CLASP2: variants seen among roughly 807,000 people sequenced by gnomAD.
CLASP2 encodes the protein CLIP-associating protein 2.
In CLASP2, 47 loss-of-function variants were observed where a neutral mutation model predicts 194.4. The observed-to-expected ratio is 0.24, with a 90% CI of 0.19 to 0.31. CLASP2 has a LOEUF of 0.31. CLASP2 is among the 10% of genes least tolerant of loss of function. The pLI, the probability that CLASP2 is intolerant of heterozygous loss-of-function variation, is 1.00. For missense variants in CLASP2, 1,445 were observed against 1,823.6 expected, an observed-to-expected ratio of 0.79 and a Z score of 3.78; for synonymous variants, 619 against 633.5, an observed-to-expected ratio of 0.98 and a Z score of 0.34.
At chr3:33,616,031 TA>T (rs2076096937) in intron 12 of CLASP2, among the ~76,000 whole-genome samples, 1 of 150,084 alleles carries the variant, frequency 6.7e-6, no homozygotes, top group Non-Finnish European at 1.5e-5. Flanking sequence ...TAAAATGAGC[TA>T]AAAGTTGAAA....
chr3:33,506,897 G>C (rs2048399756), intron 37 of CLASP2, among the ~76,000 whole-genome samples: 1 of 150,740 alleles, frequency 6.6e-6, no homozygotes, highest in Non-Finnish European at 1.5e-5. Flanking sequence ...AAAATTGAGA[G>C]TGTAAGTACT....
At chr3:33,639,486 T>C (rs991218331) in intron 8 of CLASP2, among the ~76,000 whole-genome samples, 3 of 152,194 alleles carry the variant, frequency 2.0e-5, no homozygotes, top group Non-Finnish European at 4.4e-5. Flanking sequence ...TTCTTAAACA[T>C]TCTGAATTCC....
intron 1 of CLASP2, among the ~76,000 whole-genome samples, chr3:33,698,943 T>A (rs2092168678): frequency 6.6e-6 from 1 of 152,170 alleles, no homozygotes; most frequent in Non-Finnish European, 1.5e-5. Flanking sequence ...TTTAAATAAC[T>A]GTGATTAATG....
intron 7 of CLASP2, 117 bp downstream of exon 7, chr3:33,663,328 A>C (rs2085612566): frequency 1.7e-6 from 1 of 581,184 alleles, no homozygotes; most frequent in Non-Finnish European, 2.9e-6. Context: ...ATTATATCTC[A>C]ACTAAGTTTT....
At chr3:33,592,570 C>T (rs1458237172) in intron 20 of CLASP2, 74 bp from the exon 21 acceptor site, 1 of 1,251,880 alleles carries the variant, frequency 8.0e-7, no homozygotes, top group Non-Finnish European at 1.1e-6. Flanking sequence ...GAGAAAATCT[C>T]ACTATTTTTA....
intron 8 of CLASP2, among the ~76,000 whole-genome samples, chr3:33,638,713 C>T (rs1458279532): frequency 1.3e-5 from 2 of 152,192 alleles, no homozygotes; most frequent in Non-Finnish European, 2.9e-5. Context: ...AGAAACAATG[C>T]TTCTTACCAA....
chr3:33,680,159 G>T (rs1173652346), intron 6 of CLASP2, among the ~76,000 whole-genome samples: 3 of 152,188 alleles, frequency 2.0e-5, no homozygotes, highest in African/African-American at 7.2e-5. Flanking sequence ...GTAACTATAT[G>T]GAGACAGTAA....
chr3:33,592,506 A>G lies in CLASP2; in HGVS notation c.1967-10T>C. ...TTTGCTCTCACCCGGCCTGAGAAATAAAATATTTACATAATTAAAAACATT... is the reference window on the plus strand; with the variant it reads ...TTTGCTCTCACCCGGCCTGAGAAATGAAATATTTACATAATTAAAAACATT... On this transcript the variant is annotated splice_polypyrimidine_tract_variant and intron_variant, in intron 20 of 38. Coordinates refer to ENST00000682230, the MANE Select transcript of CLASP2 (RefSeq NM_001365631.1). 1 of 1,593,772 alleles carries G rather than the reference A, an allele frequency of 6.3e-7. No homozygotes were observed. Among genetic ancestry groups the G allele is most frequent in the Non-Finnish European group, 8.6e-7 (1 of 1,165,692 alleles).
rs572382367 is a variant in CLASP2 at position 33,601,196 on chromosome 3, G to A, written c.1924+1756C>T. On this transcript the variant is annotated intron_variant, in intron 18 of 38. Coordinates refer to ENST00000682230, the MANE Select transcript of CLASP2 (RefSeq NM_001365631.1). Reference sequence around the variant, plus strand: ...AGGATGGTCTCGATCTCCTGACTTCGTGATCCACCTGTCTCGGCCTCCCAA... The same window carrying A: ...AGGATGGTCTCGATCTCCTGACTTCATGATCCACCTGTCTCGGCCTCCCAA... Among the ~76,000 whole-genome samples the A allele has an allele frequency of 7.9e-5, 12 of 152,102 alleles. No individual in the cohort carries two copies. In the South Asian group the frequency reaches 8.3e-4, roughly 11 times the overall value.
At chr3:33,714,442 G>A (rs756986951) in intron 1 of CLASP2, among the ~76,000 whole-genome samples, 1 of 152,020 alleles carries the variant, frequency 6.6e-6, no homozygotes, top group African/African-American at 2.4e-5. Flanking sequence ...TTTTACATCC[G>A]TCACCCAATT....
At chr3:33,552,157 C>A (rs868007618) in intron 29 of CLASP2, among the ~76,000 whole-genome samples, 1 of 145,408 alleles carries the variant, frequency 6.9e-6, no homozygotes, top group South Asian at 2.1e-4. Flanking sequence ...CTCACCCTGT[C>A]GCCCAGGCTG....
intron 34 of CLASP2, among the ~76,000 whole-genome samples, chr3:33,520,190 G>T (rs1212670596): frequency 6.6e-6 from 1 of 150,774 alleles, no homozygotes; most frequent in Non-Finnish European, 1.5e-5. Context: ...ATTTTTGTTA[G>T]AGATGGGGTT....
intron 5 of CLASP2, among the ~76,000 whole-genome samples, chr3:33,686,145 G>A (rs188624446): frequency 9.5e-4 from 145 of 152,282 alleles, no homozygotes; most frequent in African/African-American, 3.2e-3. Flanking sequence ...CGTCTTCAGA[G>A]CAGGTAGGAT....
At chr3:33,691,640 A>G (rs2091366474) in intron 2 of CLASP2, among the ~76,000 whole-genome samples, 2 of 152,184 alleles carry the variant, frequency 1.3e-5, no homozygotes, top group Non-Finnish European at 2.9e-5. Context: ...ATTTATCAAC[A>G]TCTATAAGGT....
rs923468049 is a variant in CLASP2, at chr3:33,628,795, A to G, written c.943-1715T>C. 2.6e-5 allele frequency among the ~76,000 whole-genome samples: 4 copies of G among 152,080 alleles called. No homozygotes were observed. The East Asian group carries it at 7.7e-4, about 29-fold the overall frequency. ...TTTGAAGGAGGTGACTCAGTAAGAA[A>G]ATAGAGAATGAGAAGACAGGGCCCA... is the stretch of plus-strand genomic sequence containing the variant. On this transcript the variant is annotated intron_variant, in intron 9 of 38. Transcript: ENST00000682230.
intron 7 of CLASP2, among the ~76,000 whole-genome samples, chr3:33,657,769 C>G (rs1312157278): frequency 6.6e-6 from 1 of 151,978 alleles, no homozygotes; most frequent in Non-Finnish European, 1.5e-5. Context: ...TATGCCAAAC[C>G]AAATTTTCTA....
At position 33,644,803 on chromosome 3, in the gene CLASP2, G is replaced by T. The variant is rs1383172607; in HGVS notation, c.816C>A (p.Ala272=). 2.0e-5 allele frequency: 32 copies of T among 1,613,186 alleles called. No homozygotes were observed. The highest frequency in any genetic ancestry group is 2.6e-5 in the Non-Finnish European group (31 of 1,179,652). The change falls in exon 8 of 39, where the codon GCC becomes GCA. Residue 272 remains alanine, a synonymous_variant. Coordinates refer to ENST00000682230, the MANE Select transcript of CLASP2 (RefSeq NM_001365631.1). ...CTGAACCAGGCTTCCTTGCACTGTTGGCAGGATTTCCGGATGTTTTAGGTG... is the reference window on the plus strand; with the variant it reads ...CTGAACCAGGCTTCCTTGCACTGTTTGCAGGATTTCCGGATGTTTTAGGTG... The part of the protein sequence containing the change: ...VPAPKTSGNP[A]NSARKPGSAG...
At chr3:33,610,943 C>T (rs79584979) in intron 13 of CLASP2, among the ~76,000 whole-genome samples, 1 of 152,292 alleles carries the variant, frequency 6.6e-6, no homozygotes, top group East Asian at 1.9e-4. Context: ...TTACAATCTT[C>T]TTAAACATCA....
At chr3:33,685,299 G>A (rs189604612) in intron 5 of CLASP2, among the ~76,000 whole-genome samples, 113 of 122,714 alleles carry the variant, frequency 9.2e-4, no homozygotes, top group African/African-American at 3.2e-3. Flanking sequence ...CCAGGATCAC[G>A]CCATTGCTCT....
Sources: gnomAD v4.1 joint callset for allele counts (sites outside exome capture counted in the v4.1 genomes callset) on GRCh38, gnomAD v4.1.1 for gene constraint, MANE v1.5 for transcripts, NCBI Gene and HGNC (gene_info 2026-07-23, HGNC 2026-07-21) for gene names.